The following HYCC1 variants were observed in gnomAD, a reference collection of about 807,000 sequenced individuals.
HYCC1 encodes hyccin.
chr7:23,008,536 C>T, the HYCC1 span, among the ~76,000 whole-genome samples: 1 of 151,870 alleles, frequency 6.6e-6, no homozygotes, highest in African/African-American at 2.4e-5. Flanking sequence ...TTTAATGTAA[C>T]ATGAATAAAG....
At chr7:22,975,996 A>G in the HYCC1 span, among the ~76,000 whole-genome samples, 2 of 152,234 alleles carry the variant, frequency 1.3e-5, no homozygotes, top group African/African-American at 4.8e-5. Context: ...CTGAAATTAC[A>G]GACATGAGCT....
At chr7:22,930,536 T>C in the HYCC1 span, among the ~76,000 whole-genome samples, 1 of 152,078 alleles carries the variant, frequency 6.6e-6, no homozygotes, top group Non-Finnish European at 1.5e-5. Flanking sequence ...TGGTGAATTC[T>C]GCCAAACATT....
chr7:22,976,993 A>G, the HYCC1 span, among the ~76,000 whole-genome samples: 2 of 152,190 alleles, frequency 1.3e-5, no homozygotes, highest in African/African-American at 4.8e-5. Context: ...CACAAATGAG[A>G]AATAAAAATT....
At chr7:22,934,851 A>T in the HYCC1 span, 1 of 152,194 alleles carries the variant, frequency 6.6e-6, no homozygotes. Context: ...GAAGTTAGTG[A>T]TAGAGGCACC....
At chr7:22,912,072 C>T in the HYCC1 span, among the ~76,000 whole-genome samples, 7 of 152,166 alleles carry the variant, frequency 4.6e-5, no homozygotes, top group African/African-American at 1.4e-4. Context: ...TCTGGTATGG[C>T]AGCATGAGAA....
the HYCC1 span, chr7:22,976,242 A>T: frequency 3.2e-5 from 51 of 1,612,938 alleles, no homozygotes; most frequent in Non-Finnish European, 3.9e-5. Flanking sequence ...ACTGAAGAGA[A>T]ACACTGGGCA....
chr7:22,976,678 A>T, the HYCC1 span: 1 of 1,461,022 alleles, frequency 6.8e-7, no homozygotes, highest in South Asian at 1.1e-5. Flanking sequence ...AAGAATTTTT[A>T]TCCCCACAGT....
At chr7:22,898,590 TTTTCTTTTCTTTTC>T in the HYCC1 span, among the ~76,000 whole-genome samples, 57 of 57,582 alleles carry the variant, frequency 9.9e-4, 1 homozygote, top group South Asian at 3.5e-3. Context: ...TTTTCTTTTC[TTTTCTTTTCTTTTC>T]TTTTTTTTTT....
chr7:22,952,464 A>G, the HYCC1 span, among the ~76,000 whole-genome samples: 1 of 151,982 alleles, frequency 6.6e-6, no homozygotes, highest in African/African-American at 2.4e-5. Context: ...ATGGCTTAGT[A>G]CGTTGAAGTG....
chr7:22,952,615 G>A, the HYCC1 span, among the ~76,000 whole-genome samples: 2 of 151,974 alleles, frequency 1.3e-5, no homozygotes, highest in Admixed American at 6.6e-5. Flanking sequence ...TGGATGGCCA[G>A]TGACAGCTAC....
At chr7:22,919,174 A>C in the HYCC1 span, among the ~76,000 whole-genome samples, 1 of 152,234 alleles carries the variant, frequency 6.6e-6, no homozygotes, top group African/African-American at 2.4e-5. Flanking sequence ...TAATAGACAA[A>C]GCCTTCAAAG....
chr7:22,906,997 C>T, the HYCC1 span, among the ~76,000 whole-genome samples: 4 of 146,490 alleles, frequency 2.7e-5, no homozygotes, highest in Non-Finnish European at 4.5e-5. Flanking sequence ...CCCAGCTACT[C>T]GGGAGGCTGA....
At chr7:22,999,172 TA>T in the HYCC1 span, among the ~76,000 whole-genome samples, 1 of 152,184 alleles carries the variant, frequency 6.6e-6, no homozygotes, top group African/African-American at 2.4e-5. Flanking sequence ...TAAGAAATCT[TA>T]AAAGTCCATT....
chr7:22,960,402 A>T, the HYCC1 span: 2 of 1,612,834 alleles, frequency 1.2e-6, no homozygotes, highest in African/African-American at 2.7e-5. Flanking sequence ...TGAAGCCTTT[A>T]TTGCATTAGC....
chr7:22,917,169 C>T, the HYCC1 span, among the ~76,000 whole-genome samples: 21 of 152,258 alleles, frequency 1.4e-4, no homozygotes, highest in Admixed American at 3.3e-4. Flanking sequence ...TCCTTCTCAT[C>T]GGTCACTCCC....
chr7:22,958,591 A>C, the HYCC1 span, among the ~76,000 whole-genome samples: 1 of 152,140 alleles, frequency 6.6e-6, no homozygotes, highest in Non-Finnish European at 1.5e-5. Flanking sequence ...GATATGTAAG[A>C]ATCTGCTAGA....
At chr7:22,946,553 T>A in the HYCC1 span, among the ~76,000 whole-genome samples, 1 of 151,962 alleles carries the variant, frequency 6.6e-6, no homozygotes, top group African/African-American at 2.4e-5. Context: ...TTTTAAAAAA[T>A]TGGTATTAGA....
chr7:22,978,792 A>C, the HYCC1 span, among the ~76,000 whole-genome samples: 1 of 152,160 alleles, frequency 6.6e-6, no homozygotes, highest in Non-Finnish European at 1.5e-5. Context: ...CTAGAACCCT[A>C]TTGTAACCAT....
the HYCC1 span, among the ~76,000 whole-genome samples, chr7:22,921,265 A>G: frequency 6.6e-6 from 1 of 152,230 alleles, no homozygotes; most frequent in East Asian, 1.9e-4. Flanking sequence ...ACATATAGAA[A>G]TGAATACTTT....
Sources: gnomAD v4.1 joint callset for allele counts (sites outside exome capture counted in the v4.1 genomes callset) on GRCh38, gnomAD v4.1.1 for gene constraint, MANE v1.5 for transcripts, NCBI Gene and HGNC (gene_info 2026-07-23, HGNC 2026-07-21) for gene names.